Variants in RBMS3 observed in about 807,000 individuals in gnomAD.
RBMS3 encodes the protein RNA binding motif single stranded interacting protein 3, also known as RNA-binding motif, single-stranded-interacting protein 3.
RBMS3 carries 27 observed loss-of-function variants against 66.8 expected under a neutral mutation model. The observed-to-expected ratio is 0.40, with a 90% CI of 0.30 to 0.56. RBMS3 has a LOEUF of 0.56. RBMS3 is among the 20% of genes least tolerant of loss of function. RBMS3 has a pLI of 0.40. For missense variants in RBMS3, 513 were observed against 549.5 expected (o/e 0.93, Z 0.66); for synonymous variants, 188 against 183.0 (o/e 1.03, Z -0.22).
chr3:29,558,414 A>T (rs974059226), intron 3 of RBMS3, among the ~76,000 whole-genome samples: 1 of 152,250 alleles, frequency 6.6e-6, no homozygotes, highest in African/African-American at 2.4e-5. Context: ...AAGGACAATT[A>T]GACATATATC....
chr3:29,439,194 G>A (rs1348721887), intron 2 of RBMS3, among the ~76,000 whole-genome samples: 1 of 152,096 alleles, frequency 6.6e-6, no homozygotes, highest in Non-Finnish European at 1.5e-5. Flanking sequence ...AGGACAAGAT[G>A]ATTCCTTTGG....
At chr3:29,498,000 T>TTTTTTTTTTTTTTTTTTTTTTTG (rs2043823869) in intron 3 of RBMS3, among the ~76,000 whole-genome samples, 1 of 108,124 alleles carries the variant, frequency 9.2e-6, no homozygotes, top group Non-Finnish European at 1.9e-5. Context: ...TTTTTTTTTT[T>TTTTTTTTTTTTTTTTTTTTTTTG]TTTTTTTTTT....
intron 4 of RBMS3, among the ~76,000 whole-genome samples, chr3:29,628,030 C>A (rs527668334): frequency 9.2e-5 from 14 of 152,212 alleles, no homozygotes; most frequent in African/African-American, 3.4e-4. Context: ...CTATATTGAA[C>A]AGACATATTA....
At chr3:29,331,606 T>A (rs1370433031) in intron 1 of RBMS3, among the ~76,000 whole-genome samples, 1 of 152,024 alleles carries the variant, frequency 6.6e-6, no homozygotes, top group Non-Finnish European at 1.5e-5. Context: ...CATCATTCCT[T>A]TTTCTGTGAT....
intron 12 of RBMS3, among the ~76,000 whole-genome samples, chr3:29,948,637 A>G (rs1198550585): frequency 6.6e-6 from 1 of 151,848 alleles, no homozygotes; most frequent in Non-Finnish European, 1.5e-5. Flanking sequence ...TTTTTATTGT[A>G]AAAGACCTGA....
intron 6 of RBMS3, among the ~76,000 whole-genome samples, chr3:29,825,041 C>CTTT (rs199929851): frequency 7.1e-6 from 1 of 140,470 alleles, no homozygotes; most frequent in Non-Finnish European, 1.6e-5. Context: ...TATCATCATT[C>CTTT]TTTTTTTTTT....
intron 6 of RBMS3, among the ~76,000 whole-genome samples, chr3:29,806,738 G>A (rs1559691674): frequency 6.6e-6 from 1 of 151,826 alleles, no homozygotes; most frequent in Non-Finnish European, 1.5e-5. Flanking sequence ...TCTGGACTGT[G>A]GTAAATTCTC....
intron 1 of RBMS3, among the ~76,000 whole-genome samples, chr3:29,409,008 G>A (rs2040150067): frequency 6.6e-6 from 1 of 152,126 alleles, no homozygotes; most frequent in Admixed American, 6.5e-5. Flanking sequence ...AGAGTTGAAA[G>A]GAACCTCTGA....
At chr3:29,931,093 C>A (rs2061109249) in intron 10 of RBMS3, among the ~76,000 whole-genome samples, 2 of 152,036 alleles carry the variant, frequency 1.3e-5, no homozygotes, top group African/African-American at 4.8e-5. Flanking sequence ...AATTTCAACC[C>A]TTTCAGAATA....
chr3:29,534,029 C>G (rs994047323), intron 3 of RBMS3, among the ~76,000 whole-genome samples: 2 of 152,218 alleles, frequency 1.3e-5, no homozygotes, highest in East Asian at 1.9e-4. Flanking sequence ...TAATTAAACA[C>G]TGTGACTCAA....
intron 6 of RBMS3, among the ~76,000 whole-genome samples, chr3:29,778,319 T>C (rs1016755753): frequency 1.3e-5 from 2 of 151,820 alleles, no homozygotes; most frequent in Non-Finnish European, 2.9e-5. Flanking sequence ...CTCTTGTGAC[T>C]CTCTGTATAT....
At chr3:29,716,060 T>C (rs1279625056) in intron 4 of RBMS3, among the ~76,000 whole-genome samples, 1 of 152,132 alleles carries the variant, frequency 6.6e-6, no homozygotes. Context: ...GCAAATAGAT[T>C]GGCAAAGATT....
At chr3:29,633,535 T>C (rs995892757) in intron 4 of RBMS3, among the ~76,000 whole-genome samples, 2 of 151,864 alleles carry the variant, frequency 1.3e-5, no homozygotes, top group Non-Finnish European at 2.9e-5. Context: ...CCTACCTATT[T>C]ATCCCCAATG....
At chr3:29,313,034 G>A (rs2034473291) in intron 1 of RBMS3, among the ~76,000 whole-genome samples, 1 of 151,678 alleles carries the variant, frequency 6.6e-6, no homozygotes, top group Admixed American at 6.6e-5. Flanking sequence ...AATAATCTTT[G>A]CATTTCTCCA....
intron 12 of RBMS3, among the ~76,000 whole-genome samples, chr3:29,969,005 CTTAA>C (rs980562784): frequency 2.0e-5 from 3 of 152,178 alleles, no homozygotes; most frequent in Non-Finnish European, 2.9e-5. Flanking sequence ...AAAACTTCTG[CTTAA>C]TTAGAGTCTC....
Position 29,884,138 on chromosome 3 carries a change from C to T in RBMS3, c.745-24C>T, listed in dbSNP as rs757457088. The T allele has an allele frequency of 3.8e-5, 61 of 1,601,760 alleles. 1 individual carries two copies. In the South Asian group the frequency reaches 6.5e-4, roughly 17 times the overall value. On this transcript the variant is annotated intron_variant, in intron 7 of 14. Coordinates refer to ENST00000383767, the MANE Select transcript of RBMS3 (RefSeq NM_001003793.3). ...CAATAAAAACGTTAAGATTTGTTTT[C>T]TTCCCTCTTCATCCTATATACAGGC... is the stretch of plus-strand genomic sequence containing the variant.
chr3:29,820,377 A>G (rs1012963929), intron 6 of RBMS3, among the ~76,000 whole-genome samples: 1 of 151,842 alleles, frequency 6.6e-6, no homozygotes, highest in South Asian at 2.1e-4. Flanking sequence ...TTTCTATTAG[A>G]GGATTGATAG....
chr3:29,430,778 C>CTATGCAATGGGAAAAGCTGCTT (rs6147748), intron 1 of RBMS3, among the ~76,000 whole-genome samples: 1 of 151,762 alleles, frequency 6.6e-6, no homozygotes, highest in Non-Finnish European at 1.5e-5. Context: ...GTTTTAAAGG[C>CTATGCAATGGGAAAAGCTGCTT]TAAACAAAGT....
intron 2 of RBMS3, among the ~76,000 whole-genome samples, chr3:29,463,265 C>T (rs990023528): frequency 3.9e-5 from 6 of 152,070 alleles, no homozygotes; most frequent in Non-Finnish European, 4.4e-5. Flanking sequence ...AGTACTTGTA[C>T]CTATATCAAT....
Sources: gnomAD v4.1 joint callset for allele counts (sites outside exome capture counted in the v4.1 genomes callset) on GRCh38, gnomAD v4.1.1 for gene constraint, MANE v1.5 for transcripts, NCBI Gene and HGNC (gene_info 2026-07-23, HGNC 2026-07-21) for gene names.